Variants in PDZD2 observed in about 807,000 individuals in gnomAD.
The protein encoded by PDZD2 is PDZ domain containing 2.
A neutral mutation model predicts 220.7 loss-of-function variants in PDZD2; 90 were observed. That is an observed-to-expected ratio of 0.41 (90% CI 0.34 to 0.49). The LOEUF (loss-of-function observed/expected upper bound fraction) is 0.49, where lower values mean the gene tolerates loss of function less well. Among genes scored for constraint, PDZD2 ranks in the 20% least tolerant of loss-of-function variants. PDZD2 has a pLI of 0.28. For missense variants in PDZD2, 3,174 were observed against 3,608.5 expected (o/e 0.88, Z 3.08); for synonymous variants, 1,375 against 1,450.5 (o/e 0.95, Z 1.18).
rs1028890822 is a variant in PDZD2, at chr5:31,646,072, C to G, written c.-361+6635C>G. On this transcript the variant is annotated intron_variant, in intron 1 of 24. Transcript: ENST00000438447. The surrounding 1 kb of genome is among the most constrained non-coding windows in gnomAD (Gnocchi z 4.7). Reference sequence around the variant, plus strand: ...GGGGGGCCTTCTCACTACTGTCACTCCTAGGGAGATCTCAGGATACCTAGG... The same window carrying G: ...GGGGGGCCTTCTCACTACTGTCACTGCTAGGGAGATCTCAGGATACCTAGG... Among the ~76,000 whole-genome samples, 3 of 152,050 alleles carry G rather than the reference C, an allele frequency of 2.0e-5. No homozygotes were observed. The highest frequency in any genetic ancestry group is 1.3e-4 in the Admixed American group (2 of 15,266).
intron 2 of PDZD2, among the ~76,000 whole-genome samples, chr5:31,856,307 A>G (rs1435241496): frequency 6.6e-6 from 1 of 152,166 alleles, no homozygotes; most frequent in Non-Finnish European, 1.5e-5. Flanking sequence ...CTTCAGTCAA[A>G]CCCAAGGCCC....
chr5:31,689,336 CAT>C lies in PDZD2; in HGVS notation c.-361+49916_-361+49917del, dbSNP rs200801339. 1.5e-3 allele frequency among the ~76,000 whole-genome samples: 83 copies of C among 55,218 alleles called. 5 individuals carry two copies. Among genetic ancestry groups the C allele is most frequent in the African/African-American group, 4.6e-3 (41 of 8,966 alleles). 36.2% of individuals were successfully genotyped at this position (55,218 alleles called of 152,430 possible). On this transcript the variant is annotated intron_variant, in intron 1 of 24. Transcript: ENST00000438447. Reference sequence around the variant, plus strand: ...ACATATACACATATATATACATATACATATATATATATATATATTTTTTTTTT... The same window carrying C: ...ACATATACACATATATATACATATACATATATATATATATATTTTTTTTTT...
chr5:31,692,090 G>A (rs1228508021), intron 1 of PDZD2, among the ~76,000 whole-genome samples: 4 of 152,236 alleles, frequency 2.6e-5, no homozygotes, highest in South Asian at 2.1e-4. Context: ...AGGCTCGGGT[G>A]GCACAGGAGC....
intron 1 of PDZD2, among the ~76,000 whole-genome samples, chr5:31,714,043 G>T (rs531227799): frequency 6.6e-6 from 1 of 152,346 alleles, no homozygotes; most frequent in Non-Finnish European, 1.5e-5. Flanking sequence ...CTGATACTCA[G>T]TAAGTACACT....
chr5:31,794,198 AC>A, intron 1 of PDZD2, among the ~76,000 whole-genome samples: 1 of 152,230 alleles, frequency 6.6e-6, no homozygotes, highest in South Asian at 2.1e-4. Flanking sequence ...TACCATAGTT[AC>A]CATCACAGTA....
At chr5:32,065,902 T>C (rs1740169202) in intron 14 of PDZD2, among the ~76,000 whole-genome samples, 1 of 152,114 alleles carries the variant, frequency 6.6e-6, no homozygotes, top group Non-Finnish European at 1.5e-5. Context: ...GGCAGGCGCC[T>C]GTAATCCCAG....
At chr5:31,775,008 C>T (rs2150201852) in intron 1 of PDZD2, among the ~76,000 whole-genome samples, 1 of 152,308 alleles carries the variant, frequency 6.6e-6, no homozygotes, top group East Asian at 1.9e-4. Flanking sequence ...TGATGTCAAC[C>T]AGCTTGCAAA....
At chr5:32,015,618 T>TG (rs1753728646) in intron 6 of PDZD2, among the ~76,000 whole-genome samples, 1 of 152,190 alleles carries the variant, frequency 6.6e-6, no homozygotes, top group Non-Finnish European at 1.5e-5. Context: ...TCCAATAAAA[T>TG]GAGTGGCACA....
At chr5:31,689,353 A>ATATATATATATTTTTTTTTTT in intron 1 of PDZD2, among the ~76,000 whole-genome samples, 2 of 35,122 alleles carry the variant, frequency 5.7e-5, no homozygotes, top group African/African-American at 2.1e-4. Flanking sequence ...ATATATATAT[A>ATATATATATATTTTTTTTTTT]TTTTTTTTTT....
At chr5:31,840,978 G>A (rs556571238) in intron 2 of PDZD2, 3 of 425,158 alleles carry the variant, frequency 7.1e-6, no homozygotes, top group South Asian at 5.5e-5. Flanking sequence ...TCATTTTGGC[G>A]AATTACTGGA....
chr5:31,773,305 T>C (rs770947911), intron 1 of PDZD2, among the ~76,000 whole-genome samples: 4 of 152,182 alleles, frequency 2.6e-5, no homozygotes, highest in Non-Finnish European at 5.9e-5. Flanking sequence ...TCATTCTAAC[T>C]ATTCAGCAAG....
At chr5:31,944,180 A>G (rs185888397) in intron 2 of PDZD2, among the ~76,000 whole-genome samples, 23 of 152,374 alleles carry the variant, frequency 1.5e-4, no homozygotes, top group Admixed American at 6.5e-4. Context: ...TACATTTAAA[A>G]TATAATTTTT....
intron 2 of PDZD2, among the ~76,000 whole-genome samples, chr5:31,899,497 TG>T (rs1292253999): frequency 1.3e-5 from 2 of 152,194 alleles, no homozygotes; most frequent in Non-Finnish European, 1.5e-5. Flanking sequence ...GTGAGCTTCC[TG>T]CTGACAGCAC....
intron 2 of PDZD2, among the ~76,000 whole-genome samples, chr5:31,868,398 T>C (rs1376429476): frequency 6.6e-6 from 1 of 152,018 alleles, no homozygotes; most frequent in Non-Finnish European, 1.5e-5. Context: ...TAAGCCAAGA[T>C]CGCGCCACCT....
intron 2 of PDZD2, among the ~76,000 whole-genome samples, chr5:31,952,430 C>T (rs1258405803): frequency 6.6e-6 from 1 of 152,286 alleles, no homozygotes; most frequent in East Asian, 1.9e-4. Context: ...ATGCTGATTA[C>T]AGCATAAAAA....
chr5:31,787,087 C>T (rs933240486), intron 1 of PDZD2, among the ~76,000 whole-genome samples: 49 of 152,130 alleles, frequency 3.2e-4, no homozygotes, highest in Admixed American at 1.5e-3. Flanking sequence ...CATGGCTGCC[C>T]GATCCATACC....
intron 2 of PDZD2, among the ~76,000 whole-genome samples, chr5:31,944,628 G>A (rs527684495): frequency 6.6e-6 from 1 of 152,380 alleles, no homozygotes; most frequent in South Asian, 2.1e-4. Context: ...TTCCAAGTGT[G>A]TATGTTGCCT....
chr5:31,820,537 T>G (rs1291249830), intron 2 of PDZD2: 5 of 152,208 alleles, frequency 3.3e-5, no homozygotes, highest in Admixed American at 1.3e-4. Context: ...CATTTATTTT[T>G]TTTTAACTTT....
At chr5:31,728,303 TCA>T (rs953564513) in intron 1 of PDZD2, among the ~76,000 whole-genome samples, 1 of 151,810 alleles carries the variant, frequency 6.6e-6, no homozygotes, top group Non-Finnish European at 1.5e-5. Context: ...GGGAGCAAAA[TCA>T]CACACACACC....
Sources: gnomAD v4.1 joint callset for allele counts (sites outside exome capture counted in the v4.1 genomes callset) on GRCh38, gnomAD v4.1.1 for gene constraint, Gnocchi (gnomAD v3.1) non-coding constraint, MANE v1.5 for transcripts, NCBI Gene and HGNC (gene_info 2026-07-23, HGNC 2026-07-21) for gene names.